ZNF362: variants seen among roughly 807,000 people sequenced by gnomAD.
ZNF362 encodes zinc finger protein 362, also known as rotund homolog.
ZNF362 carries 11 observed loss-of-function variants against 42.9 expected under a neutral mutation model. The ratio of observed to expected loss-of-function variants is 0.26; its 90% CI spans 0.16 to 0.42. The LOEUF (loss-of-function observed/expected upper bound fraction) is 0.42. Among genes scored for constraint, ZNF362 ranks in the 20% least tolerant of loss-of-function variants. The pLI, the probability that ZNF362 is intolerant of heterozygous loss-of-function variation, is 1.00. For synonymous variants in ZNF362, 255 were observed against 257.3 expected, an observed-to-expected ratio of 0.99 and a Z score of 0.09; for missense variants, 362 against 576.2, an observed-to-expected ratio of 0.63 and a Z score of 3.81.
the ZNF362 span, among the ~76,000 whole-genome samples, chr1:33,156,085 C>T: frequency 0.19 from 28,401 of 152,196 alleles, 3,143 homozygotes; most frequent in South Asian, 0.3. Flanking sequence ...GGGCTCCCAG[C>T]AGAAGCTGGC....
chr1:33,238,609 A>G, the ZNF362 span, among the ~76,000 whole-genome samples: 1 of 151,906 alleles, frequency 6.6e-6, no homozygotes, highest in South Asian at 2.1e-4. Flanking sequence ...GGGAGTTGTT[A>G]TGGACTGAAT....
At chr1:33,147,132 C>A in the ZNF362 span, 1 of 1,587,884 alleles carries the variant, frequency 6.3e-7, no homozygotes. The surrounding 1 kb of genome is among the most constrained non-coding windows in gnomAD (Gnocchi z 8.1). Context: ...AGGGCTCTTG[C>A]AGGTGGCAGT....
At chr1:33,271,508 G>A (rs1425912986) in intron 2 of ZNF362, among the ~76,000 whole-genome samples, 1 of 152,248 alleles carries the variant, frequency 6.6e-6, no homozygotes, top group African/African-American at 2.4e-5. Flanking sequence ...AGATCACACA[G>A]CTGGTGAGTT....
chr1:33,178,716 C>T, the ZNF362 span, among the ~76,000 whole-genome samples: 5 of 152,244 alleles, frequency 3.3e-5, no homozygotes, highest in African/African-American at 7.2e-5. Flanking sequence ...ACAGTGCCCA[C>T]AGCAGGTTTG....
the ZNF362 span, chr1:33,163,993 G>C: frequency 2.0e-5 from 3 of 152,514 alleles, no homozygotes; most frequent in African/African-American, 4.8e-5. Context: ...GGAGAGAAGA[G>C]AGTGCTGCTG....
At chr1:33,263,168 G>A (rs776123466) in intron 1 of ZNF362, among the ~76,000 whole-genome samples, 9 of 152,298 alleles carry the variant, frequency 5.9e-5, no homozygotes, top group East Asian at 3.9e-4. Context: ...TAGCCGTTGC[G>A]CAGTGTGTCT....
the ZNF362 span, among the ~76,000 whole-genome samples, chr1:33,191,614 C>T: frequency 6.6e-6 from 1 of 152,150 alleles, no homozygotes; most frequent in Non-Finnish European, 1.5e-5. Context: ...AAGTGATTCT[C>T]CTGTCTCAGC....
chr1:33,129,270 G>T, the ZNF362 span, among the ~76,000 whole-genome samples: 1 of 152,122 alleles, frequency 6.6e-6, no homozygotes, highest in Non-Finnish European at 1.5e-5. This position sits in a 1 kb window ranked among gnomAD's most constrained non-coding sequence, Gnocchi z 4.1. Context: ...TATGGGTTGG[G>T]GGTTCATCAT....
At chr1:33,298,163 A>T (rs1646138555) in intron 8 of ZNF362, among the ~76,000 whole-genome samples, 1 of 152,108 alleles carries the variant, frequency 6.6e-6, no homozygotes, top group Admixed American at 6.5e-5. Context: ...AACCTCACCT[A>T]CCCAGTCCTG....
At chr1:33,237,659 C>T in the ZNF362 span, among the ~76,000 whole-genome samples, 381 of 152,282 alleles carry the variant, frequency 2.5e-3, 2 homozygotes, top group African/African-American at 8.6e-3. Flanking sequence ...GTGGTGGAGT[C>T]GTTGGCAGAG....
the ZNF362 span, among the ~76,000 whole-genome samples, chr1:33,202,919 C>T: frequency 1.3e-5 from 2 of 151,936 alleles, no homozygotes; most frequent in African/African-American, 4.8e-5. Context: ...ATACATTTGG[C>T]GAAGTTGTTA....
At chr1:33,144,095 C>A in the ZNF362 span, among the ~76,000 whole-genome samples, 3 of 151,646 alleles carry the variant, frequency 2.0e-5, no homozygotes, top group Non-Finnish European at 4.4e-5. Flanking sequence ...CACACTCTTA[C>A]ATGCAAACGT....
chr1:33,196,998 CA>C, the ZNF362 span, among the ~76,000 whole-genome samples: 1 of 152,120 alleles, frequency 6.6e-6, no homozygotes, highest in Non-Finnish European at 1.5e-5. Flanking sequence ...GGGTGCCATC[CA>C]ATGGGCTGCC....
At chr1:33,170,988 G>T in the ZNF362 span, among the ~76,000 whole-genome samples, 1 of 152,076 alleles carries the variant, frequency 6.6e-6, no homozygotes, top group South Asian at 2.1e-4. Context: ...TCGCTTCTTT[G>T]TGTCTTCATC....
the ZNF362 span, among the ~76,000 whole-genome samples, chr1:33,169,622 G>C: frequency 5.9e-5 from 9 of 152,240 alleles, no homozygotes; most frequent in African/African-American, 1.9e-4. Context: ...AGGCTCTACT[G>C]CTGGCCCCAA....
the ZNF362 span, among the ~76,000 whole-genome samples, chr1:33,134,149 T>C: frequency 6.6e-6 from 1 of 152,242 alleles, no homozygotes; most frequent in Non-Finnish European, 1.5e-5. Flanking sequence ...GGGCCAGGCA[T>C]GTGGCCCAGC....
At chr1:33,217,553 C>T in the ZNF362 span, among the ~76,000 whole-genome samples, 3 of 152,350 alleles carry the variant, frequency 2.0e-5, no homozygotes, top group South Asian at 4.1e-4. Flanking sequence ...CCCATCCTAC[C>T]ACTGGGCTCC....
chr1:33,213,655 G>T, the ZNF362 span, among the ~76,000 whole-genome samples: 1 of 152,066 alleles, frequency 6.6e-6, no homozygotes, highest in Non-Finnish European at 1.5e-5. Flanking sequence ...GACCATCCTG[G>T]CCAACATGGT....
chr1:33,169,206 G>A, the ZNF362 span, among the ~76,000 whole-genome samples: 6 of 152,232 alleles, frequency 3.9e-5, no homozygotes, highest in East Asian at 1.9e-4. Context: ...TGCTGCGATC[G>A]TGTTAGGAGA....
Sources: gnomAD v4.1 joint callset for allele counts (sites outside exome capture counted in the v4.1 genomes callset) on GRCh38, gnomAD v4.1.1 for gene constraint, Gnocchi (gnomAD v3.1) non-coding constraint, MANE v1.5 for transcripts, NCBI Gene and HGNC (gene_info 2026-07-23, HGNC 2026-07-21) for gene names.